Variants in SYTL3 observed in about 807,000 individuals in gnomAD.
SYTL3 encodes synaptotagmin like 3.
SYTL3 carries 88 observed loss-of-function variants against 82.1 expected under a neutral mutation model. The ratio of observed to expected loss-of-function variants is 1.07; its 90% CI spans 0.90 to 1.28. The LOEUF (loss-of-function observed/expected upper bound fraction) is 1.28. Among genes scored for constraint, SYTL3 ranks in the 50% most tolerant of loss-of-function variants. The pLI, the probability that SYTL3 is intolerant of heterozygous loss-of-function variation, is 0.00. For missense variants in SYTL3, 831 were observed against 757.6 expected (o/e 1.10, Z -1.14); for synonymous variants, 311 against 289.4 (o/e 1.07, Z -0.76).
chr6:158,660,257 T>G (rs1056894847), intron 2 of SYTL3, among the ~76,000 whole-genome samples: 1 of 151,996 alleles, frequency 6.6e-6, no homozygotes, highest in Non-Finnish European at 1.5e-5. Flanking sequence ...AGAGCAATAC[T>G]CCGTCTCAAA....
intron 10 of SYTL3, 131 bp from the exon 11 acceptor site, chr6:158,725,372 G>A (rs2128480718): frequency 1.1e-6 from 1 of 932,144 alleles, no homozygotes; most frequent in Non-Finnish European, 1.6e-6. Context: ...CCAAATGCAG[G>A]TGTGTCCTCC....
intron 11 of SYTL3, among the ~76,000 whole-genome samples, chr6:158,737,039 C>A (rs375093660): frequency 5.1e-3 from 574 of 113,160 alleles, no homozygotes; most frequent in African/African-American, 7.8e-3. Context: ...CATTTCATGG[C>A]AAAAAAAAAA....
At chr6:158,759,359 A>G (rs1416401881) in intron 14 of SYTL3, among the ~76,000 whole-genome samples, 1 of 149,464 alleles carries the variant, frequency 6.7e-6, no homozygotes, top group East Asian at 2.1e-4. Flanking sequence ...GCCATACCTC[A>G]TTTGGCACCC....
chr6:158,718,650 C>T lies in SYTL3; in HGVS notation c.720+439C>T, dbSNP rs371060519. On this transcript the variant is annotated intron_variant, in intron 10 of 17. Transcript: ENST00000611299. Reference sequence around the variant, plus strand: ...AAAGGCGCGAGCAAGCCTGTGGGGGCGCTCTTCCCCCGCTGTCCACACCAC... The same window carrying T: ...AAAGGCGCGAGCAAGCCTGTGGGGGTGCTCTTCCCCCGCTGTCCACACCAC... 1.7e-4 allele frequency among the ~76,000 whole-genome samples: 26 copies of T among 152,344 alleles called. No individual in the cohort carries two copies. The East Asian group carries it at 1.7e-3, about 10-fold the overall frequency.
intron 6 of SYTL3, among the ~76,000 whole-genome samples, chr6:158,696,690 C>CT (rs752790741): frequency 6.0e-5 from 9 of 149,702 alleles, no homozygotes. Flanking sequence ...AGTTCTTTGC[C>CT]TTTTTTTTTA....
chr6:158,711,713 T>C (rs1375872799), intron 8 of SYTL3, among the ~76,000 whole-genome samples: 1 of 152,222 alleles, frequency 6.6e-6, no homozygotes, highest in African/African-American at 2.4e-5. Flanking sequence ...TTTATGGCTA[T>C]TTCTCAATGA....
chr6:158,687,495 G>A (rs1023770999), intron 6 of SYTL3, among the ~76,000 whole-genome samples: 5 of 152,222 alleles, frequency 3.3e-5, no homozygotes, highest in African/African-American at 1.2e-4. Flanking sequence ...AGGACAAAGG[G>A]TCTGAATATC....
At chr6:158,675,524 T>A (rs1163225473) in intron 5 of SYTL3, among the ~76,000 whole-genome samples, 13 of 152,046 alleles carry the variant, frequency 8.6e-5, no homozygotes, top group Non-Finnish European at 1.5e-5. Flanking sequence ...CGAGACTAGT[T>A]GAAGTAGGGC....
intron 5 of SYTL3, among the ~76,000 whole-genome samples, chr6:158,681,824 T>C (rs1778730406): frequency 6.6e-6 from 1 of 152,206 alleles, no homozygotes; most frequent in Non-Finnish European, 1.5e-5. Context: ...AAACACAAAC[T>C]AACCTTAGCT....
At position 158,745,694 on chromosome 6, in the gene SYTL3, T is replaced by C. The variant is rs370342252; in HGVS notation, c.1034+36T>C. ...TTTTTTAAGTTTAACATGAGACATA[T>C]TGATTCCAAAATGTATATGAAAAAG... On this transcript the variant is annotated intron_variant, in intron 12 of 17. Coordinates refer to ENST00000611299, the MANE Select transcript of SYTL3 (RefSeq NM_001242394.2). 2.6e-5 allele frequency: 38 copies of C among 1,486,632 alleles called. No homozygotes were observed. In the East Asian group the frequency reaches 4.6e-4, roughly 18 times the overall value. 92.1% of individuals were successfully genotyped at this position (1,486,632 alleles called of 1,614,324 possible). A position where few individuals can be genotyped will look rare whatever the true frequency, so the allele number is the denominator to read the frequency against.
At chr6:158,762,299 T>C in intron 16 of SYTL3, 121 bp downstream of exon 16, 1 of 691,450 alleles carries the variant, frequency 1.4e-6, no homozygotes, top group Non-Finnish European at 2.4e-6. Flanking sequence ...TTAGCTTTCC[T>C]ATGAAAATCT....
chr6:158,736,360 A>G (rs973921071), intron 11 of SYTL3, among the ~76,000 whole-genome samples: 4 of 152,114 alleles, frequency 2.6e-5, no homozygotes, highest in African/African-American at 9.7e-5. Flanking sequence ...TCAAAAAAAG[A>G]AAAACTGTCA....
chr6:158,764,568 C>T lies in SYTL3; in HGVS notation c.1797C>T (p.Pro599=), dbSNP rs771339973. The change falls in exon 18 of 18, where the codon CCC becomes CCT. Residue 599 remains proline, a synonymous_variant. Coordinates refer to ENST00000611299, the MANE Select transcript of SYTL3 (RefSeq NM_001242394.2). ...KLQWQKVLSS[P]NLWTDMTLVL... is the part of the protein sequence containing the mutation. ...AGTGGCAGAAAGTCCTTTCCAGCCC[C>T]AATCTATGGACAGACATGACTCTTG... 2.5e-6 allele frequency: 4 copies of T among 1,614,088 alleles called. No individual in the cohort carries two copies. Among genetic ancestry groups the T allele is most frequent in the Admixed American group, 3.3e-5 (2 of 60,018 alleles).
At chr6:158,727,689 CTT>C (rs55657606) in intron 11 of SYTL3, among the ~76,000 whole-genome samples, 3 of 106,718 alleles carry the variant, frequency 2.8e-5, no homozygotes, top group Admixed American at 9.2e-5. Flanking sequence ...TCCAAGTACT[CTT>C]TTTTTTTTTT....
intron 10 of SYTL3, among the ~76,000 whole-genome samples, chr6:158,718,976 C>T (rs1489319513): frequency 6.6e-6 from 1 of 152,132 alleles, no homozygotes; most frequent in Non-Finnish European, 1.5e-5. Context: ...GTGAGGTCAG[C>T]CCCCCTCTCC....
At chr6:158,648,423 C>T (rs1209597416), upstream of SYTL3, among the ~76,000 whole-genome samples, 1 of 151,666 alleles carries the variant, frequency 6.6e-6, no homozygotes, top group Non-Finnish European at 1.5e-5. Context: ...AACCCTGTAT[C>T]TACTAAAAAT....
intron 12 of SYTL3, among the ~76,000 whole-genome samples, chr6:158,746,044 G>A (rs1562455188): frequency 3.9e-5 from 6 of 152,274 alleles, no homozygotes; most frequent in Admixed American, 3.9e-4. Flanking sequence ...TTGGTATCTA[G>A]TGAGGGCCCC....
intron 6 of SYTL3, among the ~76,000 whole-genome samples, chr6:158,684,417 G>C (rs539520217): frequency 6.6e-6 from 1 of 152,348 alleles, no homozygotes; most frequent in African/African-American, 2.4e-5. Flanking sequence ...ACCTGGAACT[G>C]TGGAGAGAAT....
At chr6:158,756,143 AG>A (rs1789025322) in intron 13 of SYTL3, among the ~76,000 whole-genome samples, 1 of 152,274 alleles carries the variant, frequency 6.6e-6, no homozygotes, top group African/African-American at 2.4e-5. Flanking sequence ...AGGTGGAGTC[AG>A]CCACACCTTG....
Sources: allele counts gnomAD v4.1 joint callset (sites outside exome capture counted in the v4.1 genomes callset), GRCh38; gene constraint gnomAD v4.1.1; transcripts MANE v1.5; gene names NCBI Gene and HGNC (gene_info 2026-07-23, HGNC 2026-07-21).